NLGN3: variants seen among roughly 807,000 people sequenced by gnomAD.
NLGN3 encodes neuroligin 3.
NLGN3 carries 11 observed loss-of-function variants against 42.9 expected under a neutral mutation model. The ratio of observed to expected loss-of-function variants is 0.26; its 90% CI spans 0.16 to 0.42. NLGN3 has a LOEUF of 0.42. Ranked by LOEUF, NLGN3 falls within the 10% of genes least tolerant of loss-of-function variation. The pLI is 1.00. For synonymous variants in NLGN3, 279 were observed against 312.7 expected (o/e 0.89, Z 1.14); for missense variants, 374 against 733.8 (o/e 0.51, Z 5.67).
Position 71,155,239 on chromosome X carries a change from C to T in NLGN3, c.603C>T (p.Pro201=), listed in dbSNP as rs35794236. 4.2e-5 allele frequency: 51 copies of T among 1,210,412 alleles called. No individual in the cohort carries two copies. In the Admixed American group the frequency reaches 8.3e-4, roughly 20 times the overall value. The change falls in exon 5 of 8, where the codon CCC becomes CCT. Residue 201 remains proline, a synonymous_variant. Coordinates refer to ENST00000358741, the MANE Select transcript of NLGN3 (RefSeq NM_181303.2). ...DEDIRDSGAK[P]VMVYIHGGSY... ...ACATCCGGGACAGTGGTGCTAAACC[C>T]GTCATGGTCTACATCCACGGAGGCT...
chrX:71,167,880 A>G (rs1447262750), intron 7 of NLGN3, 80 bp downstream of exon 7: 2 of 872,216 alleles, frequency 2.3e-6, no homozygotes, highest in Admixed American at 4.4e-5. Context: ...AACCTCTTCC[A>G]TCATATCCCT....
chrX:71,159,630 G>A (rs564616892), intron 5 of NLGN3, among the ~76,000 whole-genome samples: 8 of 111,587 alleles, frequency 7.2e-5, no homozygotes, highest in Non-Finnish European at 1.1e-4. Flanking sequence ...CAATAAGCCC[G>A]TATTGGATGC....
chrX:71,154,087 G>T (rs1321234393), intron 4 of NLGN3, among the ~76,000 whole-genome samples: 1 of 112,431 alleles, frequency 8.9e-6, no homozygotes, highest in Non-Finnish European at 1.9e-5. Context: ...GGGGCTAGGG[G>T]CTGCAGTAGG....
At chrX:71,172,336 C>T (rs1168312486), downstream of NLGN3, among the ~76,000 whole-genome samples, 1 of 111,353 alleles carries the variant, frequency 9.0e-6, no homozygotes, top group Non-Finnish European at 1.9e-5. Flanking sequence ...AACCAGAAGT[C>T]ACCCGAGAGT....
chrX:71,158,807 G>A (rs765456907), intron 5 of NLGN3, among the ~76,000 whole-genome samples: 10 of 111,853 alleles, frequency 8.9e-5, no homozygotes, highest in African/African-American at 3.3e-4. Context: ...GGAACTGTGG[G>A]CCGCACAGAA....
At chrX:71,166,211 C>T (rs1282957881) in intron 6 of NLGN3, among the ~76,000 whole-genome samples, 1 of 111,141 alleles carries the variant, frequency 9.0e-6, no homozygotes, top group Non-Finnish European at 1.9e-5. Flanking sequence ...AACCCCAGTA[C>T]TTTGGGAGGC....
At chrX:71,155,483 C>A in intron 5 of NLGN3, 120 bp downstream of exon 5, 1 of 924,946 alleles carries the variant, frequency 1.1e-6, no homozygotes, top group Non-Finnish European at 1.6e-6. Flanking sequence ...TAACCACAGT[C>A]AAAATGGTGT....
At position 71,167,207 on chromosome X, in the gene NLGN3, C is replaced by T. The variant is rs772339670; in HGVS notation, c.1110C>T (p.Tyr370=). The change falls in exon 7 of 8, where the codon TAC becomes TAT. Residue 370 remains tyrosine (Y), a synonymous_variant. Coordinates refer to ENST00000358741, the MANE Select transcript of NLGN3 (RefSeq NM_181303.2). ...LVEQDIQPAR[Y]HVAFGPVIDG... is the part of the protein sequence containing the mutation. ...AGCAGGACATCCAGCCAGCCCGCTA[C>T]CACGTGGCCTTTGGCCCTGTGATTG... 2.1e-5 allele frequency: 26 copies of T among 1,209,944 alleles called. No homozygotes were observed. In the Admixed American group the frequency reaches 5.5e-4, roughly 25 times the overall value.
intron 3 of NLGN3, among the ~76,000 whole-genome samples, chrX:71,150,701 CAA>C (rs1174331159): frequency 1.4e-4 from 4 of 29,207 alleles, no homozygotes; most frequent in Non-Finnish European, 6.5e-5. Context: ...GACTCCATCT[CAA>C]AAAAAAAAAA....
chrX:71,173,886 T>C (rs1433903225), downstream of NLGN3, among the ~76,000 whole-genome samples: 1 of 111,054 alleles, frequency 9.0e-6, no homozygotes, highest in Non-Finnish European at 1.9e-5. Flanking sequence ...TATGATGGGA[T>C]TGGGGTGGGT....
In NLGN3 at chrX:71,147,799, C is replaced by T. The variant is rs769930005; in HGVS notation, c.50C>T (p.Thr17Met). 5 of 1,208,428 alleles carry T rather than the reference C, an allele frequency of 4.1e-6. No individual in the cohort carries two copies. The highest frequency in any genetic ancestry group is 3.5e-5 in the South Asian group (2 of 56,491). ...PPSLSLSPKP[T>M]VGRSLCLTLW... Reference sequence around the variant, plus strand: ...TCGCTGTCCCTGAGCCCCAAGCCCACGGTTGGCAGGAGCCTGTGCCTCACC... The same window carrying T: ...TCGCTGTCCCTGAGCCCCAAGCCCATGGTTGGCAGGAGCCTGTGCCTCACC... Residue 17 changes from threonine (T) to methionine (M), a missense_variant, in exon 2 of 8, where the codon ACG becomes ATG. By Grantham distance (81) the Thr-to-Met change is moderately conservative. Transcript: ENST00000358741.
At chrX:71,158,132 C>T (rs2092416480) in intron 5 of NLGN3, among the ~76,000 whole-genome samples, 1 of 109,722 alleles carries the variant, frequency 9.1e-6, no homozygotes, top group African/African-American at 3.3e-5. Flanking sequence ...GGCTGGAGTG[C>T]AGTGGTGCAA....
At chrX:71,171,730 T>C (rs1344229703), downstream of NLGN3, 1 of 690,532 alleles carries the variant, frequency 1.4e-6, no homozygotes, top group Non-Finnish European at 1.7e-6. Flanking sequence ...GGGATACTTG[T>C]TTGCTGCTCT....
rs190142919 is a variant in NLGN3 at position 71,167,795 on chromosome X, G to A, written c.1698G>A (p.Lys566=). The A allele has an allele frequency of 1.4e-4, 173 of 1,206,927 alleles. No individual in the cohort carries two copies. In the East Asian group the frequency reaches 4.7e-3, roughly 33 times the overall value. Residue 566 remains lysine, a synonymous_variant, in exon 7 of 8, where the codon AAG becomes AAA. Transcript: ENST00000358741. ...TGACCTATTGGACCAACTTTGCCAAGACTGGGTAAGGAGAAAATAGGGTTT... is the reference window on the plus strand; with the variant it reads ...TGACCTATTGGACCAACTTTGCCAAAACTGGGTAAGGAGAAAATAGGGTTT... The part of the protein sequence containing the change: ...VVMTYWTNFA[K]TGDPNKPVPQ...
intron 3 of NLGN3, among the ~76,000 whole-genome samples, chrX:71,150,701 C>CAA (rs1174331159): frequency 1.0e-4 from 3 of 29,150 alleles, no homozygotes; most frequent in Non-Finnish European, 1.3e-4. Flanking sequence ...GACTCCATCT[C>CAA]AAAAAAAAAA....
At chrX:71,166,010 C>A (rs1043954254) in intron 6 of NLGN3, among the ~76,000 whole-genome samples, 1 of 111,466 alleles carries the variant, frequency 9.0e-6, no homozygotes, top group Admixed American at 9.6e-5. Flanking sequence ...GCCTGAGGGA[C>A]AAATTCTCCC....
At chrX:71,168,236 G>C (rs1401371957) in intron 7 of NLGN3, among the ~76,000 whole-genome samples, 7 of 111,163 alleles carry the variant, frequency 6.3e-5, no homozygotes, top group African/African-American at 2.0e-4. Context: ...CAGGTATTTG[G>C]GAGGCTGAGG....
chrX:71,154,463 GC>G (rs1913556172), intron 4 of NLGN3, among the ~76,000 whole-genome samples: 1 of 112,702 alleles, frequency 8.9e-6, no homozygotes, highest in African/African-American at 3.2e-5. Context: ...CTCGGGAGCA[GC>G]CGCTTGATGG....
intron 1 of NLGN3, among the ~76,000 whole-genome samples, chrX:71,145,891 G>T (rs1163732830): frequency 9.8e-6 from 1 of 102,085 alleles, no homozygotes. Context: ...TGGGGGGATT[G>T]TGTGAACTCA....
Sources: allele counts gnomAD v4.1 joint callset (sites outside exome capture counted in the v4.1 genomes callset), GRCh38; gene constraint gnomAD v4.1.1; transcripts MANE v1.5; gene names NCBI Gene and HGNC (gene_info 2026-07-23, HGNC 2026-07-21).